Variants in GRK6 observed in about 807,000 individuals in gnomAD.
The protein encoded by GRK6 is G protein-coupled receptor kinase 6.
A neutral mutation model predicts 80.8 loss-of-function variants in GRK6; 37 were observed. The ratio of observed to expected loss-of-function variants is 0.46; its 90% CI spans 0.35 to 0.60. The LOEUF (loss-of-function observed/expected upper bound fraction) is 0.60. Ranked by LOEUF, GRK6 falls within the 20% of genes least tolerant of loss-of-function variation. The pLI, the probability that GRK6 is intolerant of heterozygous loss-of-function variation, is 0.00. For missense variants in GRK6, 560 were observed against 784.6 expected (o/e 0.71, Z 3.42); for synonymous variants, 295 against 320.9 (o/e 0.92, Z 0.86).
At position 177,434,792 on chromosome 5, in the gene GRK6, G is replaced by A. The variant is rs928224932; in HGVS notation, c.930-110G>A. 3.4e-5 allele frequency: 42 copies of A among 1,230,952 alleles called. No individual in the cohort carries two copies. The East Asian group carries it at 3.7e-4, about 11-fold the overall frequency. The allele number at this position is 1,230,952 out of a possible 1,614,324, so 76.3% of individuals were successfully genotyped here. On this transcript the variant is annotated intron_variant, in intron 9 of 15. Transcript: ENST00000355472. The stretch of plus-strand genomic sequence containing the variant: ...GTCGCCCTGGCAGCAAATGAGTCTC[G>A]CACCTTGCTCCACACCTGGCCCCCG...
intron 13 of GRK6, among the ~76,000 whole-genome samples, chr5:177,438,171 C>A (rs951093490): frequency 6.6e-6 from 1 of 152,114 alleles, no homozygotes; most frequent in African/African-American, 2.4e-5. Context: ...AGTTCGAAGA[C>A]CAGCCTGACC....
intron 15 of GRK6, among the ~76,000 whole-genome samples, 173 bp from the exon 16 acceptor site, chr5:177,441,564 G>A (rs564098123): frequency 6.6e-6 from 1 of 152,124 alleles, no homozygotes; most frequent in Non-Finnish European, 1.5e-5. Flanking sequence ...GCCCACCCAC[G>A]TGTGGCCTGA....
chr5:177,433,513 C>A, intron 7 of GRK6, 23 bp from the exon 8 acceptor site: 1 of 1,613,614 alleles, frequency 6.2e-7, no homozygotes. Flanking sequence ...GGCCCCCATT[C>A]GCCCCTGTCT....
intron 15 of GRK6, chr5:177,441,456 C>T (rs914152327): frequency 1.5e-6 from 1 of 658,790 alleles, no homozygotes; most frequent in Non-Finnish European, 2.6e-6. Flanking sequence ...CTCTGCCAGC[C>T]CCAGGGGAGA....
intron 13 of GRK6, among the ~76,000 whole-genome samples, chr5:177,439,240 T>C (rs1184773233): frequency 6.6e-6 from 1 of 152,186 alleles, no homozygotes; most frequent in Non-Finnish European, 1.5e-5. Flanking sequence ...AATTCACCCA[T>C]TTAAAGTGTA....
chr5:177,434,833 G>C lies in GRK6; in HGVS notation c.930-69G>C, dbSNP rs867498670. 3.6e-5 allele frequency: 57 copies of C among 1,575,742 alleles called. No individual in the cohort carries two copies. The South Asian group carries it at 4.3e-4, about 12-fold the overall frequency. On this transcript the variant is annotated intron_variant, in intron 9 of 15. Transcript: ENST00000355472. ...CTGGCCCCCGGAGGCGAGTGAGCTG[G>C]GGGGGCTGGCCCCTTCTGACTCCCT...
rs186848454 is a variant in GRK6, at chr5:177,434,817, G to A, written c.930-85G>A. ...GCACCTTGCTCCACACCTGGCCCCC[G>A]GAGGCGAGTGAGCTGGGGGGGCTGG... On this transcript the variant is annotated intron_variant, in intron 9 of 15. Coordinates refer to ENST00000355472, the MANE Select transcript of GRK6 (RefSeq NM_001004106.3). 1,129 of 1,495,114 alleles carry A rather than the reference G, an allele frequency of 7.6e-4. 9 individuals carry two copies. In the African/African-American group the frequency reaches 0.014, roughly 19 times the overall value. The allele number at this position is 1,495,114 out of a possible 1,614,324, so 92.6% of individuals were successfully genotyped here.
intron 9 of GRK6, among the ~76,000 whole-genome samples, chr5:177,434,531 C>T (rs150433235): frequency 5.9e-5 from 9 of 152,320 alleles, no homozygotes; most frequent in South Asian, 2.1e-4. Flanking sequence ...TGATTGTTGC[C>T]GACTTCCTGT....
At chr5:177,434,555 G>A (rs1036033317) in intron 9 of GRK6, among the ~76,000 whole-genome samples, 1 of 152,200 alleles carries the variant, frequency 6.6e-6, no homozygotes, top group Non-Finnish European at 1.5e-5. Flanking sequence ...CCTCACAACA[G>A]CCTAGTCAGG....
chr5:177,435,873 G>A (rs918143957), intron 11 of GRK6, among the ~76,000 whole-genome samples, 200 bp from the exon 12 acceptor site: 1 of 152,222 alleles, frequency 6.6e-6, no homozygotes, highest in African/African-American at 2.4e-5. Flanking sequence ...AAAATCTGAA[G>A]ACCCGGGGAC....
intron 13 of GRK6, among the ~76,000 whole-genome samples, chr5:177,437,533 G>A (rs1338665400): frequency 6.6e-6 from 1 of 152,182 alleles, no homozygotes; most frequent in African/African-American, 2.4e-5. Flanking sequence ...CAGGCACCCA[G>A]CAGGCAAGAG....
At chr5:177,440,564 C>T (rs1403709448) in intron 13 of GRK6, 136 bp from the exon 14 acceptor site, 4 of 1,017,112 alleles carry the variant, frequency 3.9e-6, no homozygotes, top group Admixed American at 2.4e-5. Context: ...GTGCGTGGGG[C>T]ACCTGGTTTC....
intron 9 of GRK6, 32 bp downstream of exon 9, chr5:177,434,136 G>A (rs761894376): frequency 3.3e-6 from 5 of 1,506,038 alleles, no homozygotes; most frequent in Non-Finnish European, 4.4e-6. Context: ...CAGGGGCTTA[G>A]TCCTTCCCTG....
chr5:177,433,169 G>A lies in GRK6; in HGVS notation c.463G>A (p.Val155Met), dbSNP rs542185009. Residue 155 changes from valine to methionine, a missense_variant, in exon 6 of 16, where the codon GTG (valine) becomes ATG (methionine). Coordinates refer to ENST00000355472, the MANE Select transcript of GRK6 (RefSeq NM_001004106.3). ...LTRLTHEYLSVAPFADYLDSI... is the reference protein window; with the variant it reads ...LTRLTHEYLSMAPFADYLDSI... ...CAGGCTGACCCACGAGTACCTGAGCGTGGCCCCTTTTGCCGACTACCTCGA... is the reference window on the plus strand; with the variant it reads ...CAGGCTGACCCACGAGTACCTGAGCATGGCCCCTTTTGCCGACTACCTCGA... The A allele has an allele frequency of 1.9e-5, 30 of 1,613,952 alleles. No homozygotes were observed. Among genetic ancestry groups the A allele is most frequent in the African/African-American group, 5.3e-5 (4 of 74,938 alleles).
upstream of GRK6, among the ~76,000 whole-genome samples, chr5:177,425,896 C>T (rs1042291456): frequency 6.6e-6 from 1 of 152,274 alleles, no homozygotes; most frequent in African/African-American, 2.4e-5. Context: ...CGTCCGGCGC[C>T]TCAGCTCCCC....
Position 177,433,003 on chromosome 5 carries a change from C to T in GRK6, c.441-144C>T. 5.1e-6 allele frequency: 4 copies of T among 787,538 alleles called. No individual in the cohort carries two copies. In the South Asian group the frequency reaches 6.5e-5, roughly 13 times the overall value. 48.8% of individuals were successfully genotyped at this position (787,538 alleles called of 1,614,324 possible). On this transcript the variant is annotated intron_variant, in intron 5 of 15. Coordinates refer to ENST00000355472, the MANE Select transcript of GRK6 (RefSeq NM_001004106.3). ...CAGCTTCAGCACAGGCTGTGTGTCT[C>T]CCCGCTCAGGGGTTAGCAGGAGGAC... is the stretch of plus-strand genomic sequence containing the variant.
Position 177,430,994 on chromosome 5 carries a change from G to A in GRK6, c.148+27G>A, listed in dbSNP as rs1168378254. The A allele has an allele frequency of 3.1e-6, 5 of 1,594,876 alleles. No individual in the cohort carries two copies. In the African/African-American group the frequency reaches 6.7e-5, roughly 21 times the overall value. On this transcript the variant is annotated intron_variant, in intron 2 of 15. Transcript: ENST00000355472. ...TGAGGCCTGGGCAGAGACTGGGGGT[G>A]CTGAGGCGAGGGGCCCTGCTGGGGC...
rs773115868 is a variant in GRK6, at chr5:177,436,233, G to A, written c.1218G>A (p.Glu406=). Reference sequence around the variant, plus strand: ...AGCGGCTGGTGAAGGAGGTCCCCGAGGAGTATTCCGAGCGCTTTTCCCCGC... The same window carrying A: ...AGCGGCTGGTGAAGGAGGTCCCCGAAGAGTATTCCGAGCGCTTTTCCCCGC... ...EVERLVKEVP[E]EYSERFSPQA... The change falls in exon 12 of 16, where the codon GAG becomes GAA. Residue 406 remains glutamate, a synonymous_variant. Transcript: ENST00000355472. 6.8e-6 allele frequency: 11 copies of A among 1,614,048 alleles called. No individual in the cohort carries two copies. The highest frequency in any genetic ancestry group is 9.3e-6 in the Non-Finnish European group (11 of 1,180,034).
In GRK6 at chr5:177,434,898, A is replaced by G. The variant is rs1321525141; in HGVS notation, c.930-4A>G. The G allele has an allele frequency of 6.2e-7, 1 of 1,613,048 alleles. No individual in the cohort carries two copies. The highest frequency in any genetic ancestry group is 8.5e-7 in the Non-Finnish European group (1 of 1,179,708). On this transcript the variant is annotated splice_polypyrimidine_tract_variant and splice_region_variant and intron_variant, in intron 9 of 15. Coordinates refer to ENST00000355472, the MANE Select transcript of GRK6 (RefSeq NM_001004106.3). ...CATCTGACCCTGCTCTTCTCTCTGC[A>G]CAGGGACCTGAAGCCCGAGAACATC...
Sources: gnomAD v4.1 joint callset for allele counts (sites outside exome capture counted in the v4.1 genomes callset) on GRCh38, gnomAD v4.1.1 for gene constraint, MANE v1.5 for transcripts, NCBI Gene and HGNC (gene_info 2026-07-23, HGNC 2026-07-21) for gene names.